PPP3CC: variants seen among roughly 807,000 people sequenced by gnomAD.
PPP3CC encodes the protein protein phosphatase 3 catalytic subunit gamma.
A neutral mutation model predicts 60.3 loss-of-function variants in PPP3CC; 35 were observed. The ratio of observed to expected loss-of-function variants is 0.58; its 90% confidence interval spans 0.44 to 0.77. The LOEUF is 0.77. Ranked by LOEUF, PPP3CC falls within the 30% of genes least tolerant of loss-of-function variation. PPP3CC has a pLI of 0.00. For synonymous variants in PPP3CC, 206 were observed against 224.3 expected (o/e 0.92, Z 0.73); for missense variants, 570 against 628.9 (o/e 0.91, Z 1.00).
chr8:22,490,200 G>T (rs1838358204), intron 3 of PPP3CC, among the ~76,000 whole-genome samples: 1 of 152,046 alleles, frequency 6.6e-6, no homozygotes, highest in Non-Finnish European at 1.5e-5. Context: ...AAATGATATG[G>T]TGCTGTCCAG....
intron 4 of PPP3CC, among the ~76,000 whole-genome samples, chr8:22,509,734 C>T (rs1839026932): frequency 1.3e-5 from 2 of 152,162 alleles, no homozygotes. Context: ...CAGAGGCTCA[C>T]TCTGTTGCTC....
intron 13 of PPP3CC, 74 bp from the exon 14 acceptor site, chr8:22,540,541 T>C: frequency 4.1e-6 from 6 of 1,458,732 alleles, no homozygotes; most frequent in East Asian, 2.3e-5. Context: ...TGCTGTGTGC[T>C]AAGAAACTTT....
intron 1 of PPP3CC, among the ~76,000 whole-genome samples, chr8:22,464,723 T>G (rs750644294): frequency 6.6e-6 from 1 of 152,142 alleles, no homozygotes; most frequent in Non-Finnish European, 1.5e-5. Context: ...TCCAAGAGCC[T>G]TTTCAGTGTT....
chr8:22,519,474 A>G (rs752352156), intron 6 of PPP3CC, among the ~76,000 whole-genome samples: 6 of 151,822 alleles, frequency 4.0e-5, no homozygotes, highest in Non-Finnish European at 5.9e-5. Flanking sequence ...TTATTTTTGT[A>G]GTGGGGTATT....
At chr8:22,534,240 ATACCCAC>A (rs1216111802) in intron 12 of PPP3CC, among the ~76,000 whole-genome samples, 1 of 151,078 alleles carries the variant, frequency 6.6e-6, no homozygotes, top group Non-Finnish European at 1.5e-5. Context: ...GTACCATTAC[ATACCCAC>A]TAGAATGGCT....
chr8:22,534,883 C>G (rs561230622), intron 12 of PPP3CC, among the ~76,000 whole-genome samples: 162 of 152,274 alleles, frequency 1.1e-3, no homozygotes, highest in African/African-American at 3.6e-3. Flanking sequence ...CACAGACTGT[C>G]TGATTTATAT....
chr8:22,467,955 T>C (rs1837597647), intron 1 of PPP3CC, among the ~76,000 whole-genome samples: 1 of 152,236 alleles, frequency 6.6e-6, no homozygotes, highest in African/African-American at 2.4e-5. Flanking sequence ...ATGCCATTCA[T>C]GAGGGCAGAG....
At chr8:22,500,980 C>T (rs910385927) in intron 4 of PPP3CC, among the ~76,000 whole-genome samples, 1 of 152,074 alleles carries the variant, frequency 6.6e-6, no homozygotes, top group Non-Finnish European at 1.5e-5. Flanking sequence ...ATGTTGAAAT[C>T]CCATCTCTAC....
chr8:22,525,654 C>A (rs562015203), intron 8 of PPP3CC, among the ~76,000 whole-genome samples: 2 of 151,804 alleles, frequency 1.3e-5, no homozygotes, highest in African/African-American at 4.8e-5. Context: ...ACTTCCTGGG[C>A]TCAAGTGATC....
intron 3 of PPP3CC, among the ~76,000 whole-genome samples, chr8:22,480,564 C>T (rs1381240786): frequency 3.9e-5 from 6 of 152,114 alleles, no homozygotes; most frequent in African/African-American, 7.2e-5. Context: ...CTGCATCCTC[C>T]GCCTCCCAGG....
At chr8:22,459,612 A>G (rs1288074919) in intron 1 of PPP3CC, among the ~76,000 whole-genome samples, 2 of 152,030 alleles carry the variant, frequency 1.3e-5, no homozygotes, top group Admixed American at 1.3e-4. Flanking sequence ...AACTTTAGTG[A>G]CCTCTCAGAG....
At chr8:22,483,351 A>G (rs932672566) in intron 3 of PPP3CC, among the ~76,000 whole-genome samples, 21 of 152,170 alleles carry the variant, frequency 1.4e-4, no homozygotes, top group African/African-American at 4.8e-4. Flanking sequence ...CAGTGGCGCA[A>G]TCTCGACTCA....
intron 5 of PPP3CC, 123 bp downstream of exon 5, chr8:22,511,354 A>T: frequency 9.2e-7 from 1 of 1,082,886 alleles, no homozygotes; most frequent in Non-Finnish European, 1.3e-6. Context: ...CAGTGGTGCT[A>T]TCTCAGCTCA....
intron 1 of PPP3CC, among the ~76,000 whole-genome samples, chr8:22,446,914 C>T (rs904914672): frequency 6.7e-6 from 1 of 149,424 alleles, no homozygotes; most frequent in Non-Finnish European, 1.5e-5. Context: ...AACTTTGCTG[C>T]TACTTAATTG....
chr8:22,531,280 T>G (rs190657843), intron 10 of PPP3CC: 1 of 1,527,038 alleles, frequency 6.5e-7, no homozygotes, highest in Admixed American at 2.0e-5. Flanking sequence ...TCCTTGTTTC[T>G]TGGTGTTTCT....
intron 6 of PPP3CC, among the ~76,000 whole-genome samples, chr8:22,515,822 T>C (rs756084574): frequency 5.3e-5 from 8 of 152,228 alleles, no homozygotes; most frequent in Non-Finnish European, 7.3e-5. Flanking sequence ...ATTATTGGAT[T>C]TTTCCTATTG....
intron 1 of PPP3CC, among the ~76,000 whole-genome samples, chr8:22,441,857 C>T (rs1423356988): frequency 6.6e-6 from 1 of 152,168 alleles, no homozygotes; most frequent in African/African-American, 2.4e-5. Context: ...CGTCCGCCCC[C>T]CACCCTTTTT....
chr8:22,477,423 G>T (rs1050969749), intron 3 of PPP3CC, among the ~76,000 whole-genome samples: 1 of 151,542 alleles, frequency 6.6e-6, no homozygotes, highest in Admixed American at 6.6e-5. Flanking sequence ...GTTGCAGTGG[G>T]CTATTGTGCC....
At chr8:22,514,425 T>C (rs959151027) in intron 6 of PPP3CC, among the ~76,000 whole-genome samples, 1 of 152,034 alleles carries the variant, frequency 6.6e-6, no homozygotes, top group Non-Finnish European at 1.5e-5. Context: ...CACATGAAAC[T>C]TTGATTTCGC....
Sources: gnomAD v4.1 joint callset for allele counts (sites outside exome capture counted in the v4.1 genomes callset) on GRCh38, gnomAD v4.1.1 for gene constraint, MANE v1.5 for transcripts, NCBI Gene and HGNC (gene_info 2026-07-23, HGNC 2026-07-21) for gene names.